NEDD9: variants seen among roughly 807,000 people sequenced by gnomAD.
The protein encoded by NEDD9 is enhancer of filamentation 1.
NEDD9 carries 26 observed loss-of-function variants against 76.6 expected under a neutral mutation model. The observed-to-expected ratio is 0.34, with a 90% CI of 0.25 to 0.47. The LOEUF (loss-of-function observed/expected upper bound fraction) is 0.47. Among genes scored for constraint, NEDD9 ranks in the 20% least tolerant of loss-of-function variants. NEDD9 has a pLI of 1.00. For synonymous variants in NEDD9, 392 were observed against 414.2 expected, an observed-to-expected ratio of 0.95 and a Z score of 0.65; for missense variants, 937 against 1,058.5, an observed-to-expected ratio of 0.89 and a Z score of 1.59.
intron 2 of NEDD9, among the ~76,000 whole-genome samples, chr6:11,196,711 C>T (rs139992924): frequency 1.8e-3 from 270 of 152,244 alleles, no homozygotes; most frequent in Admixed American, 3.3e-3. Flanking sequence ...CCGCCACCAC[C>T]GATTCCAGCC....
At chr6:11,199,242 G>A (rs1758366363) in intron 2 of NEDD9, 2 of 152,150 alleles carry the variant, frequency 1.3e-5, no homozygotes, top group Admixed American at 1.3e-4. Flanking sequence ...GGCCCCACTG[G>A]GTCTTTTTCT....
intron 1 of NEDD9, among the ~76,000 whole-genome samples, chr6:11,369,736 T>C (rs1271658423): frequency 1.3e-5 from 2 of 152,250 alleles, no homozygotes; most frequent in Non-Finnish European, 2.9e-5. Flanking sequence ...GTATGTTCTT[T>C]TGCATTTGTT....
At chr6:11,193,796 A>G in intron 2 of NEDD9, 104 bp from the exon 3 acceptor site, 1 of 676,268 alleles carries the variant, frequency 1.5e-6, no homozygotes, top group Non-Finnish European at 2.5e-6. Context: ...TCATAAAAAG[A>G]TAGAAAGAAA....
At chr6:11,227,013 A>G (rs6457130) in intron 1 of NEDD9, among the ~76,000 whole-genome samples, 34,232 of 152,150 alleles carry the variant, frequency 0.22, 3,956 homozygotes, top group Middle Eastern at 0.29. Flanking sequence ...TTACTATGCC[A>G]TATAGTATTA....
intron 3 of NEDD9, among the ~76,000 whole-genome samples, chr6:11,239,615 C>T (rs1759668953): frequency 6.6e-6 from 1 of 152,140 alleles, no homozygotes; most frequent in African/African-American, 2.4e-5. Context: ...ATAGGGCTTT[C>T]ATTCACTTTC....
At chr6:11,202,881 C>T (rs1343844342) in intron 2 of NEDD9, among the ~76,000 whole-genome samples, 3 of 152,170 alleles carry the variant, frequency 2.0e-5, no homozygotes, top group African/African-American at 7.2e-5. Context: ...TAAATCACAG[C>T]CAGCTTCTTT....
intron 1 of NEDD9, among the ~76,000 whole-genome samples, chr6:11,342,880 C>T (rs1310834784): frequency 6.6e-6 from 1 of 152,094 alleles, no homozygotes; most frequent in East Asian, 1.9e-4. Context: ...TGCATAGTTG[C>T]ATATTAAATT....
In NEDD9 at chr6:11,193,642, G is replaced by A. The variant is rs1447645043; in HGVS notation, c.510C>T (p.Ser170=). ...TGHGYVYEYP[S]RYQKDVYDIP... ...TATCATAGACGTCCTTTTGGTATCT[G>A]GATGGGTACTCGTATACGTAGCCAT... Residue 170 remains serine, a synonymous_variant, in exon 3 of 7, where the codon TCC becomes TCT. Transcript: ENST00000379446. The A allele has an allele frequency of 6.2e-7, 1 of 1,613,848 alleles. No individual in the cohort carries two copies. The highest frequency in any genetic ancestry group is 1.3e-5 in the African/African-American group (1 of 74,906).
chr6:11,333,040 AAAAAAGGAAGGAAGGAAGGAAGGGAGGG>A (rs1762078879), intron 2 of NEDD9, among the ~76,000 whole-genome samples: 1 of 123,480 alleles, frequency 8.1e-6, no homozygotes, highest in Non-Finnish European at 1.7e-5. Flanking sequence ...GGAAGGAAGG[AAAAAAGGAAGGAAGGAAGGAAGGGAGGG>A]AGGGAGGGAG....
At chr6:11,377,292 G>A (rs932429142) in intron 1 of NEDD9, among the ~76,000 whole-genome samples, 28 of 152,236 alleles carry the variant, frequency 1.8e-4, no homozygotes, top group African/African-American at 6.5e-4. Context: ...TTCACTGGCA[G>A]CTTGCACCCT....
At chr6:11,356,020 C>T (rs894700136) in intron 1 of NEDD9, among the ~76,000 whole-genome samples, 8 of 152,278 alleles carry the variant, frequency 5.3e-5, no homozygotes, top group African/African-American at 7.2e-5. Flanking sequence ...CATGCCCGGC[C>T]GAGAGCTCTA....
upstream of NEDD9, chr6:11,233,490 G>T (rs1175145000): frequency 5.8e-6 from 3 of 518,674 alleles, no homozygotes; most frequent in Non-Finnish European, 1.2e-5. Context: ...TTCTTTGACG[G>T]CTGGCATTTC....
At chr6:11,276,370 C>CACCTGTGCACGTGTGTGTGT (rs1230481126) in intron 3 of NEDD9, among the ~76,000 whole-genome samples, 4 of 152,074 alleles carry the variant, frequency 2.6e-5, no homozygotes, top group South Asian at 2.1e-4. Flanking sequence ...CGTGTGTGTG[C>CACCTGTGCACGTGTGTGTGT]ACCTGTGCAC....
chr6:11,349,259 T>A (rs1223735146), intron 1 of NEDD9, among the ~76,000 whole-genome samples: 4 of 151,898 alleles, frequency 2.6e-5, no homozygotes, highest in Admixed American at 1.3e-4. Context: ...TAACAAAAAA[T>A]AAAAAAATAA....
intron 3 of NEDD9, among the ~76,000 whole-genome samples, chr6:11,240,194 G>T (rs1759685893): frequency 2.0e-5 from 3 of 152,108 alleles, no homozygotes; most frequent in Admixed American, 1.3e-4. Flanking sequence ...GCTGCCTGGG[G>T]TGGGTGGGGC....
At chr6:11,374,371 A>G (rs1582056188) in intron 1 of NEDD9, among the ~76,000 whole-genome samples, 3 of 152,296 alleles carry the variant, frequency 2.0e-5, no homozygotes, top group Admixed American at 2.0e-4. Context: ...TGCTGAGAGG[A>G]CACTGTACTT....
chr6:11,320,093 T>C (rs1761754294), intron 2 of NEDD9, among the ~76,000 whole-genome samples: 1 of 152,224 alleles, frequency 6.6e-6, no homozygotes, highest in Non-Finnish European at 1.5e-5. Flanking sequence ...ACGGCTGCAC[T>C]CCTGCCTACT....
Position 11,319,611 on chromosome 6 carries a change from TCACA to T in NEDD9, c.-152-13460_-152-13457del, listed in dbSNP as rs1402246676. Among the ~76,000 whole-genome samples, 30 of 89,564 alleles carry T rather than the reference TCACA, an allele frequency of 3.3e-4. No individual in the cohort carries two copies. In the East Asian group the frequency reaches 0.013, roughly 39 times the overall value. The allele number at this position is 89,564 out of a possible 152,430, so 58.8% of individuals were successfully genotyped here. ...TAACGCACACACTAACCATGCACAC[TCACA>T]CTCACACACACACACACTAACATGC... On this transcript the variant is annotated intron_variant, in intron 2 of 3. Transcript: ENST00000397378.
chr6:11,220,805 G>C (rs1759117686), intron 1 of NEDD9, among the ~76,000 whole-genome samples: 1 of 152,144 alleles, frequency 6.6e-6, no homozygotes, highest in African/African-American at 2.4e-5. Context: ...CAAAAGCTGG[G>C]TTCCTCTCCT....
Sources: allele counts gnomAD v4.1 joint callset (sites outside exome capture counted in the v4.1 genomes callset), GRCh38; gene constraint gnomAD v4.1.1; transcripts MANE v1.5; gene names NCBI Gene and HGNC (gene_info 2026-07-23, HGNC 2026-07-21).